CCDC33: variants seen among roughly 807,000 people sequenced by gnomAD.
CCDC33 encodes coiled-coil domain-containing protein 33.
A neutral mutation model predicts 91.9 loss-of-function variants in CCDC33; 94 were observed. That is an observed-to-expected ratio of 1.02 (90% CI 0.87 to 1.21). The LOEUF (loss-of-function observed/expected upper bound fraction) is 1.21. Ranked by LOEUF, CCDC33 falls within the 50% of genes most tolerant of loss-of-function variation. The pLI is 0.00. For missense variants in CCDC33, 940 were observed against 935.5 expected, an observed-to-expected ratio of 1.00 and a Z score of -0.06; for synonymous variants, 396 against 374.5, an observed-to-expected ratio of 1.06 and a Z score of -0.66.
chr15:74,332,593 T>C (rs2142889041), intron 15 of CCDC33, 86 bp from the exon 16 acceptor site: 1 of 1,479,884 alleles, frequency 6.8e-7, no homozygotes, highest in Non-Finnish European at 9.2e-7. Flanking sequence ...GGGTGGCAGA[T>C]TGAAGCAAAA....
chr15:74,333,041 C>T (rs2060474435), intron 16 of CCDC33, 196 bp downstream of exon 16: 2 of 759,508 alleles, frequency 2.6e-6, no homozygotes, highest in Admixed American at 2.7e-5. Flanking sequence ...AACACTTCAC[C>T]TTTAACCTCA....
chr15:74,272,844 A>C lies in CCDC33; in HGVS notation c.712A>C (p.Met238Leu), dbSNP rs368467760. ...ITPLSFPIPSMMNFDVPRVSQ... is the reference protein window; with the variant it reads ...ITPLSFPIPSLMNFDVPRVSQ... ...CCCACTGTCCTTCCCTATCCCGTCC[A>C]TGATGAACTTTGACGTGCCTCGCGT... Residue 238 changes from methionine (M) to leucine (L), a missense_variant, in exon 7 of 19, where the codon ATG (methionine) becomes CTG (leucine). Physicochemically the swap from Met to Leu is conservative, Grantham distance 15. Transcript: ENST00000398814. The C allele has an allele frequency of 4.3e-6, 7 of 1,614,252 alleles. No homozygotes were observed. The East Asian group carries it at 1.6e-4, about 36-fold the overall frequency.
chr15:74,296,396 G>A (rs1402627257), intron 11 of CCDC33, among the ~76,000 whole-genome samples: 5 of 152,160 alleles, frequency 3.3e-5, no homozygotes, highest in South Asian at 2.1e-4. Flanking sequence ...AGGCCAAGGC[G>A]GGCGGGTCAC....
At chr15:74,297,117 C>A (rs1367914593) in intron 11 of CCDC33, among the ~76,000 whole-genome samples, 1 of 152,212 alleles carries the variant, frequency 6.6e-6, no homozygotes, top group East Asian at 1.9e-4. Flanking sequence ...GCTGGGCATG[C>A]CCAGGGTTCT....
chr15:74,253,562 C>G (rs1164827586), intron 2 of CCDC33, among the ~76,000 whole-genome samples: 1 of 152,162 alleles, frequency 6.6e-6, no homozygotes, highest in East Asian at 1.9e-4. Context: ...CTCCCCCTAT[C>G]CATCCAGAAA....
At chr15:74,259,095 C>A (rs1314219901) in intron 2 of CCDC33, among the ~76,000 whole-genome samples, 1 of 152,156 alleles carries the variant, frequency 6.6e-6, no homozygotes, top group Non-Finnish European at 1.5e-5. Flanking sequence ...CATGCTGTGG[C>A]TGGATTAAAT....
chr15:74,237,459 C>T (rs2075200379), intron 1 of CCDC33, among the ~76,000 whole-genome samples: 1 of 152,220 alleles, frequency 6.6e-6, no homozygotes, highest in Non-Finnish European at 1.5e-5. Context: ...AGACCAAAGG[C>T]ACACAGATAC....
chr15:74,244,240 C>A lies in CCDC33; in HGVS notation c.185+92C>A. ...TATTTGGAATACTAGCACCCAAAGG[C>A]CCAGGACTGGGACTGTCATACCCAG... is the stretch of plus-strand genomic sequence containing the variant. On this transcript the variant is annotated intron_variant, in intron 2 of 18. Coordinates refer to ENST00000398814, the MANE Select transcript of CCDC33 (RefSeq NM_025055.5). The surrounding 1 kb of genome is among the most constrained non-coding windows in gnomAD (Gnocchi z 4.2). The A allele has an allele frequency of 6.7e-7, 1 of 1,486,516 alleles. No homozygotes were observed. Among genetic ancestry groups the A allele is most frequent in the Admixed American group, 2.1e-5 (1 of 48,758 alleles). 92.1% of individuals were successfully genotyped at this position (1,486,516 alleles called of 1,614,324 possible). A position where few individuals can be genotyped will look rare whatever the true frequency, so the allele number is the denominator to read the frequency against.
At chr15:74,258,871 T>G (rs1048802957) in intron 2 of CCDC33, among the ~76,000 whole-genome samples, 1 of 152,082 alleles carries the variant, frequency 6.6e-6, no homozygotes, top group Non-Finnish European at 1.5e-5. Context: ...TCCCTCCCAC[T>G]CACAGCTGTG....
intron 18 of CCDC33, chr15:74,335,331 G>A (rs11635047): frequency 0.48 from 288,622 of 603,034 alleles, 79,595 homozygotes; most frequent in Non-Finnish European, 0.6. Context: ...ATGGGGTGCT[G>A]TGAAACTCAA....
rs1390042131 is a variant in CCDC33 at position 74,266,685 on chromosome 15, C to A, written c.327C>A (p.Ile109=). Residue 109 remains isoleucine (I), a synonymous_variant, in exon 4 of 19, where the codon ATC becomes ATA. Transcript: ENST00000398814. The stretch of plus-strand genomic sequence containing the variant: ...CATTTTTTCTCTTTCCAGATGTGAT[C>A]CTCAAGGTGGTGGACAACAGAAAGA... ...QAEDAGQEDV[I]LKVVDNRKKQ... 4 of 1,612,848 alleles carry A rather than the reference C, an allele frequency of 2.5e-6. No individual in the cohort carries two copies. Among genetic ancestry groups the A allele is most frequent in the African/African-American group, 1.3e-5 (1 of 74,908 alleles).
chr15:74,242,819 T>G (rs755161898), intron 1 of CCDC33, among the ~76,000 whole-genome samples: 4 of 152,026 alleles, frequency 2.6e-5, no homozygotes, highest in Non-Finnish European at 5.9e-5. Flanking sequence ...AGCTCTGCCG[T>G]CTTCTCTGAG....
In CCDC33 at chr15:74,219,761, C is replaced by A. The variant is rs116194726; in HGVS notation, c.675+900C>A. Reference sequence around the variant, plus strand: ...TCAGACATTTGTTAAATGCTAACTCCGCCGACTGCCTGCCAAGTGGGTAAG... The same window carrying A: ...TCAGACATTTGTTAAATGCTAACTCAGCCGACTGCCTGCCAAGTGGGTAAG... On this transcript the variant is annotated intron_variant, in intron 2 of 2. Transcript: ENST00000635913. 3.9e-5 allele frequency among the ~76,000 whole-genome samples: 6 copies of A among 152,236 alleles called. No individual in the cohort carries two copies. In the East Asian group the frequency reaches 7.7e-4, roughly 20 times the overall value.
At chr15:74,282,565 G>T (rs574714291) in intron 10 of CCDC33, among the ~76,000 whole-genome samples, 1 of 152,200 alleles carries the variant, frequency 6.6e-6, no homozygotes, top group African/African-American at 2.4e-5. Flanking sequence ...GTGTGATAAG[G>T]TCAGGCCATT....
chr15:74,333,244 A>G, intron 16 of CCDC33: 2 of 1,600,618 alleles, frequency 1.2e-6, no homozygotes, highest in Non-Finnish European at 1.7e-6. Context: ...AGTTGGGAGC[A>G]GGAGGAGACT....
At chr15:74,329,512 G>T (rs1379374245) in intron 11 of CCDC33, among the ~76,000 whole-genome samples, 1 of 152,228 alleles carries the variant, frequency 6.6e-6, no homozygotes, top group Non-Finnish European at 1.5e-5. Context: ...CTTAGAAGAA[G>T]ACCTGGAACA....
intron 1 of CCDC33, among the ~76,000 whole-genome samples, chr15:74,241,353 G>A (rs189905194): frequency 1.3e-5 from 2 of 152,212 alleles, no homozygotes. Context: ...GGGAAGTAGG[G>A]GAGCAAGGCA....
chr15:74,335,208 G>T, intron 18 of CCDC33, 120 bp downstream of exon 18: 1 of 825,962 alleles, frequency 1.2e-6, no homozygotes. Context: ...AGGGCTGGGG[G>T]TCAGGAGTCC....
At chr15:74,255,153 T>C (rs2075823195) in intron 2 of CCDC33, among the ~76,000 whole-genome samples, 2 of 149,860 alleles carry the variant, frequency 1.3e-5, no homozygotes. Context: ...TCCAGTTCCA[T>C]AGACCCACCT....
Sources: allele counts gnomAD v4.1 joint callset (sites outside exome capture counted in the v4.1 genomes callset), GRCh38; gene constraint gnomAD v4.1.1; non-coding constraint Gnocchi (gnomAD v3.1); transcripts MANE v1.5; gene names NCBI Gene and HGNC (gene_info 2026-07-23, HGNC 2026-07-21).